HRH1: variants seen among roughly 807,000 people sequenced by gnomAD.
HRH1 encodes histamine H1 receptor.
A neutral mutation model predicts 10.3 loss-of-function variants in HRH1; 6 were observed. That is an observed-to-expected ratio of 0.58 (90% CI 0.32 to 1.15). HRH1 has a LOEUF of 1.15. HRH1 is among the 50% of genes most tolerant of loss of function. The pLI is 0.05. For synonymous variants in HRH1, 242 were observed against 236.7 expected (o/e 1.02, Z -0.21); for missense variants, 514 against 615.3 (o/e 0.84, Z 1.74).
At chr3:11,228,938 G>A (rs1427116956) in intron 1 of HRH1, among the ~76,000 whole-genome samples, 2 of 151,306 alleles carry the variant, frequency 1.3e-5, no homozygotes, top group African/African-American at 2.4e-5. Context: ...AGAATATAGT[G>A]GTAAATGCCT....
chr3:11,176,654 G>A (rs1937254322), intron 1 of HRH1, among the ~76,000 whole-genome samples: 1 of 152,222 alleles, frequency 6.6e-6, no homozygotes, highest in African/African-American at 2.4e-5. Flanking sequence ...AGCCAATCAG[G>A]ATTAGGGAAG....
At chr3:11,225,347 A>G (rs1197876632) in intron 1 of HRH1, among the ~76,000 whole-genome samples, 3 of 152,134 alleles carry the variant, frequency 2.0e-5, no homozygotes, top group Non-Finnish European at 4.4e-5. Context: ...CTGGAGTCGG[A>G]GAGAGGGACA....
chr3:11,218,017 C>A (rs151177961), intron 1 of HRH1, among the ~76,000 whole-genome samples: 2,018 of 152,064 alleles, frequency 0.013, 54 homozygotes, highest in African/African-American at 0.044. Context: ...AGTCAAACTT[C>A]CAGATTCTTT....
chr3:11,258,970 C>T, intron 1 of HRH1, 33 bp from the exon 2 acceptor site: 1 of 1,501,472 alleles, frequency 6.7e-7, no homozygotes, highest in Non-Finnish European at 9.0e-7. Flanking sequence ...TCACCCAAGT[C>T]TCTGACCTTA....
At chr3:11,204,293 G>T (rs1938038233) in intron 1 of HRH1, among the ~76,000 whole-genome samples, 1 of 152,160 alleles carries the variant, frequency 6.6e-6, no homozygotes, top group South Asian at 2.1e-4. Context: ...GTGGGAGAGA[G>T]AGGGACACAT....
chr3:11,218,302 G>A (rs567796760), intron 1 of HRH1, among the ~76,000 whole-genome samples: 5 of 152,018 alleles, frequency 3.3e-5, no homozygotes, highest in South Asian at 4.2e-4. Context: ...AAAAAAATTA[G>A]CCAGGCGTGG....
At chr3:11,231,185 C>A (rs1939029324) in intron 1 of HRH1, among the ~76,000 whole-genome samples, 1 of 152,178 alleles carries the variant, frequency 6.6e-6, no homozygotes, top group South Asian at 2.1e-4. Context: ...TGGTGCATTT[C>A]TTTTTACTAC....
At chr3:11,185,187 G>C (rs1223143516) in intron 1 of HRH1, among the ~76,000 whole-genome samples, 1 of 152,170 alleles carries the variant, frequency 6.6e-6, no homozygotes, top group Non-Finnish European at 1.5e-5. Context: ...TCTGGGGTAA[G>C]GCATCCCTGG....
At chr3:11,138,269 G>A (rs951977531) in intron 1 of HRH1, among the ~76,000 whole-genome samples, 9 of 148,254 alleles carry the variant, frequency 6.1e-5, no homozygotes, top group African/African-American at 2.5e-5. Context: ...TGATCTGCCC[G>A]CCTCGGCCTC....
At chr3:11,252,215 C>A (rs1402096760) in intron 1 of HRH1, among the ~76,000 whole-genome samples, 1 of 152,194 alleles carries the variant, frequency 6.6e-6, no homozygotes, top group Non-Finnish European at 1.5e-5. Flanking sequence ...GACTAATCCT[C>A]CTTCAATCCA....
intron 1 of HRH1, among the ~76,000 whole-genome samples, chr3:11,147,270 G>A (rs769828174): frequency 6.6e-6 from 1 of 152,164 alleles, no homozygotes; most frequent in African/African-American, 2.4e-5. Context: ...GTAGGGACTT[G>A]ATGAAGATTT....
At chr3:11,190,544 C>T (rs1478289718) in intron 1 of HRH1, among the ~76,000 whole-genome samples, 2 of 151,848 alleles carry the variant, frequency 1.3e-5, no homozygotes, top group African/African-American at 4.8e-5. Flanking sequence ...GCGCATGCTG[C>T]CATGGCCAGC....
At position 11,261,395 on chromosome 3, in the gene HRH1, T is replaced by G. The variant is rs1939953765; in HGVS notation, c.*894T>G. ...CACAACACCCCACAGGAGGGTAATT[T>G]TCTAACTCTAGTTTGCAGAGGAGCA... On this transcript the variant is annotated 3_prime_UTR_variant, in exon 2 of 2. Coordinates refer to ENST00000431010, the MANE Select transcript of HRH1 (RefSeq NM_001098212.2). 1 of 167,114 alleles carries G rather than the reference T, an allele frequency of 6.0e-6. No homozygotes were observed. Among genetic ancestry groups the G allele is most frequent in the African/African-American group, 2.4e-5 (1 of 41,456 alleles). 10.4% of individuals were successfully genotyped at this position (167,114 alleles called of 1,614,324 possible).
intron 1 of HRH1, among the ~76,000 whole-genome samples, chr3:11,230,275 C>T (rs577572188): frequency 5.3e-4 from 81 of 152,294 alleles, no homozygotes; most frequent in Non-Finnish European, 3.4e-4. Context: ...ACTTTAAATT[C>T]CATTACTGGC....
At position 11,259,114 on chromosome 3, in the gene HRH1, A is replaced by T. The variant is rs764351640; in HGVS notation, c.77A>T (p.Gln26Leu). The change falls in exon 2 of 2, where the codon CAG (glutamine) becomes CTG (leucine). Residue 26 changes from glutamine to leucine, a missense_variant. By Grantham distance (113) the Gln-to-Leu change is moderately radical. Transcript: ENST00000431010. This position sits in a 1 kb window ranked among gnomAD's most constrained non-coding sequence, Gnocchi z 4.6. ...AACAAGACCACTATGGCCAGCCCCCAGCTGATGCCCCTGGTGGTGGTCCTG... is the reference window on the plus strand; with the variant it reads ...AACAAGACCACTATGGCCAGCCCCCTGCTGATGCCCCTGGTGGTGGTCCTG... ...EGNKTTMASP[Q>L]LMPLVVVLST... is the part of the protein sequence containing the mutation. 6.2e-7 allele frequency: 1 copy of T among 1,614,156 alleles called. No individual in the cohort carries two copies. The highest frequency in any genetic ancestry group is 1.1e-5 in the South Asian group (1 of 91,084).
intron 1 of HRH1, among the ~76,000 whole-genome samples, chr3:11,186,221 A>G (rs999915156): frequency 6.6e-6 from 1 of 152,102 alleles, no homozygotes; most frequent in Admixed American, 6.6e-5. Context: ...TACCTCTGGG[A>G]TGTGGGCAGC....
intron 1 of HRH1, among the ~76,000 whole-genome samples, chr3:11,170,297 C>T (rs1345144075): frequency 6.6e-6 from 1 of 152,264 alleles, no homozygotes; most frequent in Non-Finnish European, 1.5e-5. Context: ...AAGCAAACCA[C>T]AAACATGCTT....
chr3:11,179,969 C>T (rs1382093334), intron 1 of HRH1, among the ~76,000 whole-genome samples: 1 of 151,804 alleles, frequency 6.6e-6, no homozygotes, highest in Non-Finnish European at 1.5e-5. Flanking sequence ...CACTGTGTTG[C>T]CCAGGCTGGT....
At chr3:11,165,601 C>T (rs1937015087) in intron 1 of HRH1, among the ~76,000 whole-genome samples, 1 of 152,194 alleles carries the variant, frequency 6.6e-6, no homozygotes, top group South Asian at 2.1e-4. Context: ...AGGTTTGGAA[C>T]TGACATTGGG....
Sources: gnomAD v4.1 joint callset for allele counts (sites outside exome capture counted in the v4.1 genomes callset) on GRCh38, gnomAD v4.1.1 for gene constraint, Gnocchi (gnomAD v3.1) non-coding constraint, MANE v1.5 for transcripts, NCBI Gene and HGNC (gene_info 2026-07-23, HGNC 2026-07-21) for gene names.